The following DSCAML1 variants were observed in gnomAD, a reference collection of about 807,000 sequenced individuals.
DSCAML1 encodes cell adhesion molecule DSCAML1.
Under a neutral mutation model 200.5 loss-of-function variants are expected in DSCAML1, and 38 were observed. That is an observed-to-expected ratio of 0.19 (90% CI 0.15 to 0.25). DSCAML1 has a LOEUF of 0.25. DSCAML1 is among the 10% of genes least tolerant of loss of function. The pLI, the probability that DSCAML1 is intolerant of heterozygous loss-of-function variation, is 1.00. For synonymous variants in DSCAML1, 1,215 were observed against 1,165.0 expected (o/e 1.04, Z -0.87); for missense variants, 2,223 against 2,858.8 (o/e 0.78, Z 5.07).
At chr11:117,675,515 C>T (rs970054368) in intron 3 of DSCAML1, among the ~76,000 whole-genome samples, 1 of 139,736 alleles carries the variant, frequency 7.2e-6, no homozygotes, top group African/African-American at 2.8e-5. Flanking sequence ...CAGGGTCTCA[C>T]CATGTTTCCC....
chr11:117,722,862 G>A (rs2054064071), intron 3 of DSCAML1, among the ~76,000 whole-genome samples: 1 of 152,138 alleles, frequency 6.6e-6, no homozygotes, highest in Non-Finnish European at 1.5e-5. Flanking sequence ...TCTAGAAACA[G>A]TAGTTCCCAC....
Position 117,428,507 on chromosome 11 carries a change from G to C in DSCAML1, c.5983C>G (p.Pro1995Ala). 1 of 1,480,742 alleles carries C rather than the reference G, an allele frequency of 6.8e-7. No homozygotes were observed. Among genetic ancestry groups the C allele is most frequent in the Non-Finnish European group, 9.1e-7 (1 of 1,096,418 alleles). 91.7% of individuals were successfully genotyped at this position (1,480,742 alleles called of 1,614,324 possible). ...PPAPGPTPAE[P>A]PTAPSAAPPA... is the part of the protein sequence containing the mutation. ...GGGGCAGCGCTGGGGGCGGTGGGTG[G>C]CTCAGCAGGGGTGGGGCCGGGGGCT... Residue 1995 changes from proline to alanine, a missense_variant, in exon 33 of 33, where the codon CCA becomes GCA. By Grantham distance (27) the Pro-to-Ala change is conservative. Transcript: ENST00000651296.
intron 3 of DSCAML1, among the ~76,000 whole-genome samples, chr11:117,752,506 A>G (rs1398599971): frequency 6.6e-6 from 1 of 152,196 alleles, no homozygotes; most frequent in Non-Finnish European, 1.5e-5. Context: ...GAACTCCTCC[A>G]GGCCAGTGCA....
intron 14 of DSCAML1, among the ~76,000 whole-genome samples, chr11:117,472,380 C>T (rs2048703762): frequency 6.6e-6 from 1 of 152,212 alleles, no homozygotes; most frequent in African/African-American, 2.4e-5. Flanking sequence ...CTTCCTGGGT[C>T]TCCCCTCACA....
chr11:117,476,390 C>T (rs931276954), intron 14 of DSCAML1, among the ~76,000 whole-genome samples: 1 of 152,190 alleles, frequency 6.6e-6, no homozygotes, highest in Non-Finnish European at 1.5e-5. Flanking sequence ...TTTGAGACCC[C>T]CATGACAATC....
chr11:117,605,255 A>G (rs1189113510), intron 3 of DSCAML1, among the ~76,000 whole-genome samples: 1 of 151,880 alleles, frequency 6.6e-6, no homozygotes, highest in Non-Finnish European at 1.5e-5. Context: ...CCCCACCCCA[A>G]AGCACGGCTG....
At chr11:117,625,417 T>A (rs10790195) in intron 3 of DSCAML1, among the ~76,000 whole-genome samples, 9 of 152,056 alleles carry the variant, frequency 5.9e-5, no homozygotes, top group Non-Finnish European at 1.3e-4. Context: ...AAATGACTGA[T>A]GAGCAGGGGA....
chr11:117,729,785 C>T (rs1219512943), intron 3 of DSCAML1, among the ~76,000 whole-genome samples: 1 of 152,190 alleles, frequency 6.6e-6, no homozygotes, highest in Non-Finnish European at 1.5e-5. Context: ...TCCTAATCCC[C>T]TAGAACAGGT....
At chr11:117,605,393 C>T (rs1249659833) in intron 3 of DSCAML1, among the ~76,000 whole-genome samples, 1 of 152,184 alleles carries the variant, frequency 6.6e-6, no homozygotes, top group South Asian at 2.1e-4. Flanking sequence ...CTCTGGGAGC[C>T]GCCCTCTGCC....
intron 3 of DSCAML1, among the ~76,000 whole-genome samples, chr11:117,585,337 C>T (rs2051119778): frequency 6.6e-6 from 1 of 152,022 alleles, no homozygotes; most frequent in Admixed American, 6.6e-5. Flanking sequence ...GCAACCCCAG[C>T]CTCCCGGGTT....
At chr11:117,668,471 A>G (rs567478876) in intron 3 of DSCAML1, 4 of 152,330 alleles carry the variant, frequency 2.6e-5, no homozygotes, top group Admixed American at 2.0e-4. Flanking sequence ...TCTGCAAAGC[A>G]CAGTGTGCCC....
At chr11:117,464,085 T>C (rs139660547) in intron 17 of DSCAML1, among the ~76,000 whole-genome samples, 2 of 152,278 alleles carry the variant, frequency 1.3e-5, no homozygotes, top group Non-Finnish European at 2.9e-5. Flanking sequence ...CTGATGGGAA[T>C]AGGGAAATAT....
chr11:117,674,688 C>T (rs935374254), intron 3 of DSCAML1, among the ~76,000 whole-genome samples: 13 of 152,124 alleles, frequency 8.5e-5, no homozygotes, highest in Admixed American at 3.3e-4. Context: ...TGCAGAGAGG[C>T]AATTCCATCG....
At chr11:117,438,420 A>G (rs558643102) in intron 24 of DSCAML1, among the ~76,000 whole-genome samples, 137 of 152,228 alleles carry the variant, frequency 9.0e-4, no homozygotes, top group East Asian at 3.9e-4. Context: ...GGTCCTGTCT[A>G]GATCTTCACT....
intron 2 of DSCAML1, 57 bp from the exon 3 acceptor site, chr11:117,776,994 C>T (rs960402866): frequency 1.0e-5 from 16 of 1,588,552 alleles, no homozygotes; most frequent in Non-Finnish European, 1.4e-5. Context: ...TGGTGAGGGT[C>T]CCCAGAAAGG....
chr11:117,778,280 C>A (rs902291453), intron 2 of DSCAML1, among the ~76,000 whole-genome samples: 1 of 152,180 alleles, frequency 6.6e-6, no homozygotes, highest in Non-Finnish European at 1.5e-5. Flanking sequence ...TGGGCAGAGC[C>A]CTGCCTCCAG....
At chr11:117,684,241 C>T (rs1002866189) in intron 3 of DSCAML1, among the ~76,000 whole-genome samples, 4 of 152,042 alleles carry the variant, frequency 2.6e-5, no homozygotes, top group African/African-American at 9.7e-5. Flanking sequence ...AAAAGAGGGA[C>T]AGATCACACG....
intron 1 of DSCAML1, among the ~76,000 whole-genome samples, chr11:117,804,221 C>T (rs967358270): frequency 1.3e-5 from 2 of 152,210 alleles, no homozygotes; most frequent in African/African-American, 2.4e-5. Context: ...CTGGAGACCA[C>T]GGGGAATGTT....
intron 3 of DSCAML1, among the ~76,000 whole-genome samples, chr11:117,542,852 A>G (rs1310838295): frequency 6.6e-6 from 1 of 152,150 alleles, no homozygotes; most frequent in Non-Finnish European, 1.5e-5. Flanking sequence ...AAGAGCCTGG[A>G]CTCACACCTG....
Sources: gnomAD v4.1 joint callset for allele counts (sites outside exome capture counted in the v4.1 genomes callset) on GRCh38, gnomAD v4.1.1 for gene constraint, MANE v1.5 for transcripts, NCBI Gene and HGNC (gene_info 2026-07-23, HGNC 2026-07-21) for gene names.